The following TMEM87B variants were observed in gnomAD, a reference collection of about 807,000 sequenced individuals.
The protein encoded by TMEM87B is transmembrane protein 87B.
In TMEM87B, 83 loss-of-function variants were observed where a neutral mutation model predicts 80.3. The ratio of observed to expected loss-of-function variants is 1.03; its 90% CI spans 0.87 to 1.24. TMEM87B has a LOEUF of 1.24. Ranked by LOEUF, TMEM87B falls within the 50% of genes most tolerant of loss-of-function variation. The probability of loss-of-function intolerance (pLI) is 0.00; values close to 1 mark genes in which losing one functional copy is unlikely to be tolerated. For missense variants in TMEM87B, 625 were observed against 674.4 expected (o/e 0.93, Z 0.81); for synonymous variants, 219 against 230.5 (o/e 0.95, Z 0.45).
intron 15 of TMEM87B, among the ~76,000 whole-genome samples, chr2:112,102,319 T>C (rs1028012486): frequency 3.9e-5 from 6 of 152,226 alleles, no homozygotes; most frequent in Non-Finnish European, 5.9e-5. Flanking sequence ...AAGACAATCA[T>C]GATCAAGTGG....
At chr2:112,112,588 G>A (rs535866226) in intron 17 of TMEM87B, among the ~76,000 whole-genome samples, 6 of 152,320 alleles carry the variant, frequency 3.9e-5, no homozygotes, top group Admixed American at 3.9e-4. Flanking sequence ...TACAACTGTA[G>A]ATTATTTGTG....
rs1050118596 is a variant in TMEM87B, at chr2:112,091,256, A to T, written c.1033-456A>T. On this transcript the variant is annotated intron_variant, in intron 10 of 18. Coordinates refer to ENST00000283206, the MANE Select transcript of TMEM87B (RefSeq NM_032824.3). ...ACTCCATCTCAAAAAAAAAAAAAAAATTTTACATAGCCAACATCTTAGATA... is the reference window on the plus strand; with the variant it reads ...ACTCCATCTCAAAAAAAAAAAAAAATTTTTACATAGCCAACATCTTAGATA... Among the ~76,000 whole-genome samples, 124 of 151,942 alleles carry T rather than the reference A, an allele frequency of 8.2e-4. 3 individuals are homozygous for T. In the East Asian group the frequency reaches 0.019, roughly 23 times the overall value.
intron 2 of TMEM87B, among the ~76,000 whole-genome samples, chr2:112,063,755 C>T (rs978539388): frequency 1.4e-4 from 21 of 152,222 alleles, no homozygotes; most frequent in African/African-American, 4.6e-4. Context: ...TTAAAACTCA[C>T]TCCTCCAGTA....
chr2:112,097,508 C>T (rs1236282960), intron 13 of TMEM87B, among the ~76,000 whole-genome samples: 3 of 151,918 alleles, frequency 2.0e-5, no homozygotes, highest in South Asian at 2.1e-4. Context: ...AGGCGGATCA[C>T]GAGGTCAGGA....
At chr2:112,102,653 A>G (rs1206122392) in intron 15 of TMEM87B, among the ~76,000 whole-genome samples, 2 of 152,128 alleles carry the variant, frequency 1.3e-5, no homozygotes, top group East Asian at 1.9e-4. Context: ...AAGCCACTGC[A>G]CGCCAGCCTG....
chr2:112,059,769 C>T (rs777334874), intron 1 of TMEM87B, among the ~76,000 whole-genome samples: 4 of 152,190 alleles, frequency 2.6e-5, no homozygotes, highest in Non-Finnish European at 5.9e-5. Context: ...CTGCTAGAGG[C>T]CAGAGCCCTC....
intron 17 of TMEM87B, 58 bp downstream of exon 17, chr2:112,107,898 T>A: frequency 8.3e-7 from 1 of 1,206,544 alleles, no homozygotes; most frequent in Non-Finnish European, 1.2e-6. Context: ...TTAAAAGGGA[T>A]CGTTCTCATC....
Position 112,087,066 on chromosome 2 carries a change from G to A in TMEM87B, c.938+962G>A, listed in dbSNP as rs146398406. ...CTTTGGCCTCCAGCCTTTTGACCCTGGCACCTTCCGTTGTCCCTCCCCATC... is the reference window on the plus strand; with the variant it reads ...CTTTGGCCTCCAGCCTTTTGACCCTAGCACCTTCCGTTGTCCCTCCCCATC... On this transcript the variant is annotated intron_variant, in intron 9 of 18. Transcript: ENST00000283206. Among the ~76,000 whole-genome samples, 1,454 of 152,160 alleles carry A rather than the reference G, an allele frequency of 9.6e-3. 30 individuals carry two copies. The highest frequency in any genetic ancestry group is 0.033 in the African/African-American group (1,379 of 41,496).
chr2:112,065,574 G>C (rs904874270), intron 3 of TMEM87B, among the ~76,000 whole-genome samples: 1 of 144,730 alleles, frequency 6.9e-6, no homozygotes, highest in Non-Finnish European at 1.5e-5. Flanking sequence ...GAGCCCAGGA[G>C]TTTAAAGTTG....
At chr2:112,112,799 G>C (rs1679953394) in intron 17 of TMEM87B, 100 bp from the exon 18 acceptor site, 1 of 1,109,476 alleles carries the variant, frequency 9.0e-7, no homozygotes, top group South Asian at 1.4e-5. Flanking sequence ...ACCCAGGAGT[G>C]AGAATTAGTG....
Position 112,055,521 on chromosome 2 carries a change from C to G in TMEM87B, c.-71C>G. On this transcript the variant is annotated 5_prime_UTR_variant, in exon 1 of 19. Transcript: ENST00000283206. ...GCGTCCCGGATTCGGACCCGCCTGC[C>G]TGGGGCGGTGCTGCACCAGGTGCGG... The G allele has an allele frequency of 2.1e-6, 3 of 1,398,656 alleles. No individual in the cohort carries two copies. Among genetic ancestry groups the G allele is most frequent in the South Asian group, 1.5e-5 (1 of 65,392 alleles). The allele number at this position is 1,398,656 out of a possible 1,614,324, so 86.6% of individuals were successfully genotyped here.
chr2:112,083,517 C>T (rs1465951041), intron 8 of TMEM87B, among the ~76,000 whole-genome samples: 1 of 152,208 alleles, frequency 6.6e-6, no homozygotes, highest in Non-Finnish European at 1.5e-5. Flanking sequence ...TCCATCATTG[C>T]AAAAGGGTCT....
intron 11 of TMEM87B, among the ~76,000 whole-genome samples, chr2:112,094,798 A>G (rs1307814205): frequency 1.3e-5 from 2 of 152,156 alleles, no homozygotes; most frequent in African/African-American, 4.8e-5. Context: ...TCTAGTGTCT[A>G]TTTCTGCATG....
chr2:112,113,045 A>C, intron 18 of TMEM87B, 116 bp downstream of exon 18: 1 of 941,658 alleles, frequency 1.1e-6, no homozygotes, highest in Non-Finnish European at 1.6e-6. Flanking sequence ...GAACAGACAG[A>C]AAGATGCTAT....
chr2:112,069,216 A>C (rs1260513795), intron 4 of TMEM87B, among the ~76,000 whole-genome samples: 3 of 151,828 alleles, frequency 2.0e-5, no homozygotes, highest in South Asian at 2.1e-4. Context: ...AAAAAAAAAA[A>C]AAAAACTCAT....
In TMEM87B at chr2:112,064,226, CT is replaced by C; in HGVS notation, c.292del (p.Cys98ValfsTer27). The C allele has an allele frequency of 6.2e-7, 1 of 1,613,708 alleles. No individual in the cohort carries two copies. The highest frequency in any genetic ancestry group is 8.5e-7 in the Non-Finnish European group (1 of 1,179,834). On this transcript the variant is annotated frameshift_variant, in exon 3 of 19. Coordinates refer to ENST00000283206, the MANE Select transcript of TMEM87B (RefSeq NM_032824.3). LOFTEE classifies it high-confidence loss of function. ...TIVWHLKYHT[C>X]HNEHSNLEEL... Reference sequence around the variant, plus strand: ...TAGTGTGGCATTTGAAGTATCATACCTGTCACAATGAGCATTCTAATCTGGA... The same window carrying C: ...TAGTGTGGCATTTGAAGTATCATACCGTCACAATGAGCATTCTAATCTGGA...
At position 112,075,104 on chromosome 2, in the gene TMEM87B, A is replaced by G. The variant is rs1678768523; in HGVS notation, c.501+142A>G. ...GAAGGAAAAGGAAACATTATTTAAA[A>G]CCGTATGTTTTCAGGCCAGGTGCAG... is the stretch of plus-strand genomic sequence containing the variant. On this transcript the variant is annotated intron_variant, in intron 5 of 18. Coordinates refer to ENST00000283206, the MANE Select transcript of TMEM87B (RefSeq NM_032824.3). The G allele has an allele frequency of 5.1e-6, 7 of 1,360,168 alleles. 1 individual carries two copies. Among genetic ancestry groups the G allele is most frequent in the Non-Finnish European group, 6.8e-6 (7 of 1,036,616 alleles). 84.3% of individuals were successfully genotyped at this position (1,360,168 alleles called of 1,614,324 possible).
intron 1 of TMEM87B, among the ~76,000 whole-genome samples, chr2:112,057,912 C>T (rs1319302342): frequency 1.3e-5 from 2 of 150,038 alleles, no homozygotes; most frequent in African/African-American, 4.9e-5. Flanking sequence ...ACTGCAACTT[C>T]CACCTCCCGG....
At chr2:112,084,001 T>C (rs1211538608) in intron 8 of TMEM87B, among the ~76,000 whole-genome samples, 1 of 152,150 alleles carries the variant, frequency 6.6e-6, no homozygotes, top group African/African-American at 2.4e-5. Context: ...GAGTACAAAT[T>C]GCAAAAATAC....
Sources: gnomAD v4.1 joint callset for allele counts (sites outside exome capture counted in the v4.1 genomes callset) on GRCh38, gnomAD v4.1.1 for gene constraint, MANE v1.5 for transcripts, NCBI Gene and HGNC (gene_info 2026-07-23, HGNC 2026-07-21) for gene names.